Variants in GIGYF2 observed in about 807,000 individuals in gnomAD.
GIGYF2 encodes the protein GRB10 interacting GYF protein 2, also known as GRB10-interacting GYF protein 2.
GIGYF2 carries 25 observed loss-of-function variants against 208.1 expected under a neutral mutation model. That is an observed-to-expected ratio of 0.12 (90% CI 0.09 to 0.17). The LOEUF is 0.17. GIGYF2 is among the 10% of genes least tolerant of loss of function. GIGYF2 has a pLI of 1.00. For synonymous variants in GIGYF2, 534 were observed against 543.8 expected, an observed-to-expected ratio of 0.98 and a Z score of 0.25; for missense variants, 1,302 against 1,579.4, an observed-to-expected ratio of 0.82 and a Z score of 2.98.
chr2:232,839,677 A>G (rs1223283776), intron 22 of GIGYF2, among the ~76,000 whole-genome samples, 172 bp from the exon 23 acceptor site: 1 of 152,254 alleles, frequency 6.6e-6, no homozygotes, highest in Non-Finnish European at 1.5e-5. Flanking sequence ...AACTTAAGCA[A>G]AAGAAGCTGA....
chr2:232,702,653 C>T (rs1470135966), intron 1 of GIGYF2, among the ~76,000 whole-genome samples: 1 of 152,076 alleles, frequency 6.6e-6, no homozygotes, highest in Non-Finnish European at 1.5e-5. Context: ...AGATATTGCC[C>T]CAACAGAGCA....
chr2:232,742,432 G>A (rs978714569), intron 3 of GIGYF2, among the ~76,000 whole-genome samples: 3 of 152,084 alleles, frequency 2.0e-5, no homozygotes, highest in South Asian at 2.1e-4. Flanking sequence ...TCCCAACTAC[G>A]CAGGAGGCTG....
intron 8 of GIGYF2, chr2:232,776,588 T>G (rs1481129235): frequency 1.4e-6 from 1 of 708,400 alleles, no homozygotes; most frequent in African/African-American, 1.8e-5. Context: ...TACATTCCTC[T>G]GTTTATAATG....
At chr2:232,733,461 T>C (rs1163309850) in intron 2 of GIGYF2, among the ~76,000 whole-genome samples, 2 of 151,672 alleles carry the variant, frequency 1.3e-5, no homozygotes, top group Non-Finnish European at 2.9e-5. Context: ...ATTATGAAGG[T>C]TAACACACTT....
intron 8 of GIGYF2, among the ~76,000 whole-genome samples, chr2:232,762,302 G>C (rs4452130): frequency 0.32 from 47,120 of 149,022 alleles, 7,846 homozygotes; most frequent in South Asian, 0.62. Context: ...ACCCAGGCTG[G>C]AGTGCAATGG....
intron 8 of GIGYF2, among the ~76,000 whole-genome samples, chr2:232,784,927 G>C (rs1699863546): frequency 6.6e-6 from 1 of 151,934 alleles, no homozygotes; most frequent in African/African-American, 2.4e-5. Flanking sequence ...TGGGATCTCT[G>C]TCATCTTTCT....
At chr2:232,727,635 G>A (rs536917506) in intron 2 of GIGYF2, among the ~76,000 whole-genome samples, 1 of 152,300 alleles carries the variant, frequency 6.6e-6, no homozygotes, top group South Asian at 2.1e-4. Context: ...TTAGTGAAGG[G>A]TTTGGGCTAG....
intron 15 of GIGYF2, among the ~76,000 whole-genome samples, chr2:232,807,980 A>T (rs984647324): frequency 6.6e-6 from 1 of 152,224 alleles, no homozygotes; most frequent in Admixed American, 6.5e-5. Flanking sequence ...TTCTTAGGAG[A>T]TGAAGATGAG....
At chr2:232,817,195 C>T (rs529447966) in intron 20 of GIGYF2, among the ~76,000 whole-genome samples, 163 bp downstream of exon 20, 1 of 152,242 alleles carries the variant, frequency 6.6e-6, no homozygotes, top group South Asian at 2.1e-4. Flanking sequence ...TCACCAACAC[C>T]CACTGTAGGG....
At chr2:232,829,585 C>G (rs1701356988) in intron 21 of GIGYF2, among the ~76,000 whole-genome samples, 1 of 152,218 alleles carries the variant, frequency 6.6e-6, no homozygotes, top group African/African-American at 2.4e-5. Context: ...CAGCTTCCAG[C>G]TGCACCTTTT....
At chr2:232,784,598 G>GCTAGGATGGT (rs61100810) in intron 8 of GIGYF2, among the ~76,000 whole-genome samples, 22 of 151,410 alleles carry the variant, frequency 1.5e-4, no homozygotes, top group Middle Eastern at 3.4e-3. Context: ...CATCGTGTTA[G>GCTAGGATGGT]CTTGATCTGA....
chr2:232,786,513 AGGCGTGAGCCACCACGC>A (rs1335699152), intron 8 of GIGYF2, among the ~76,000 whole-genome samples: 2 of 152,230 alleles, frequency 1.3e-5, no homozygotes, highest in Non-Finnish European at 2.9e-5. Flanking sequence ...CTGGGATTAT[AGGCGTGAGCCACCACGC>A]GGCCTGCTTT....
chr2:232,712,502 T>C (rs1030784252), intron 2 of GIGYF2, among the ~76,000 whole-genome samples: 11 of 152,236 alleles, frequency 7.2e-5, no homozygotes, highest in Admixed American at 3.3e-4. Flanking sequence ...AAGAATATAG[T>C]GACTGCTGGT....
chr2:232,774,341 A>T (rs1413963906), intron 8 of GIGYF2, among the ~76,000 whole-genome samples: 1 of 152,140 alleles, frequency 6.6e-6, no homozygotes, highest in South Asian at 2.1e-4. Flanking sequence ...CAGACCTATT[A>T]TTTGTAGGTT....
intron 6 of GIGYF2, chr2:232,760,081 C>G (rs1336715844): frequency 6.0e-6 from 1 of 166,906 alleles, no homozygotes; most frequent in African/African-American, 2.4e-5. Flanking sequence ...AACTTTAGCC[C>G]CTGTCTTCTT....
At chr2:232,799,444 G>C (rs577277461) in intron 14 of GIGYF2, among the ~76,000 whole-genome samples, 5 of 151,882 alleles carry the variant, frequency 3.3e-5, no homozygotes, top group Non-Finnish European at 7.4e-5. Flanking sequence ...CAACTACTCA[G>C]GAGACTGAGG....
intron 25 of GIGYF2, among the ~76,000 whole-genome samples, chr2:232,845,156 G>A (rs552341663): frequency 7.2e-5 from 11 of 152,146 alleles, no homozygotes; most frequent in Non-Finnish European, 1.5e-4. Context: ...TTCCCTCATC[G>A]GTAAAATGAA....
chr2:232,809,377 A>G (rs979613979), intron 15 of GIGYF2, among the ~76,000 whole-genome samples: 6 of 152,140 alleles, frequency 3.9e-5, no homozygotes, highest in South Asian at 2.1e-4. Flanking sequence ...CAGTTTCTCT[A>G]ATTTCTACAT....
chr2:232,712,963 A>G lies in GIGYF2; in HGVS notation c.-44+9474A>G, dbSNP rs528578826. On this transcript the variant is annotated intron_variant, in intron 2 of 28. Coordinates refer to ENST00000373563, the MANE Select transcript of GIGYF2 (RefSeq NM_001103146.3). ...TTTTCTGCTATGAAGAAAATGTTCTATGAACCTCCACCATCCAGTACTATA... is the reference window on the plus strand; with the variant it reads ...TTTTCTGCTATGAAGAAAATGTTCTGTGAACCTCCACCATCCAGTACTATA... Among the ~76,000 whole-genome samples, 5 of 152,300 alleles carry G rather than the reference A, an allele frequency of 3.3e-5. 1 individual carries two copies. Among genetic ancestry groups the G allele is most frequent in the East Asian group, 3.9e-4 (2 of 5,186 alleles).
Sources: gnomAD v4.1 joint callset for allele counts (sites outside exome capture counted in the v4.1 genomes callset) on GRCh38, gnomAD v4.1.1 for gene constraint, MANE v1.5 for transcripts, NCBI Gene and HGNC (gene_info 2026-07-23, HGNC 2026-07-21) for gene names.